The following SLC39A10 variants were observed in gnomAD, a reference collection of about 807,000 sequenced individuals.
SLC39A10 encodes the protein solute carrier family 39 member 10.
SLC39A10 carries 13 observed loss-of-function variants against 65.1 expected under a neutral mutation model. That is an observed-to-expected ratio of 0.20 (90% CI 0.13 to 0.32). The LOEUF is 0.32. Ranked by LOEUF, SLC39A10 falls within the 10% of genes least tolerant of loss-of-function variation. The pLI is 1.00. For synonymous variants in SLC39A10, 321 were observed against 342.2 expected (o/e 0.94, Z 0.68); for missense variants, 831 against 1,018.4 (o/e 0.82, Z 2.50).
At chr2:195,625,222 A>AAAGAAAGAAAGAAAGAAGAAAG (rs1688443563) in intron 2 of SLC39A10, among the ~76,000 whole-genome samples, 1 of 112,184 alleles carries the variant, frequency 8.9e-6, no homozygotes, top group African/African-American at 3.1e-5. Context: ...GTCTCAAAAA[A>AAAGAAAGAAAGAAAGAAGAAAG]AAAGAAAGAA....
intron 8 of SLC39A10, among the ~76,000 whole-genome samples, chr2:195,726,517 G>A (rs1692245667): frequency 6.6e-6 from 1 of 152,086 alleles, no homozygotes; most frequent in South Asian, 2.1e-4. Context: ...TATTAAATCC[G>A]GGTCTCAGCA....
intron 5 of SLC39A10, among the ~76,000 whole-genome samples, chr2:195,711,086 T>A (rs985796989): frequency 1.3e-5 from 2 of 152,208 alleles, no homozygotes; most frequent in African/African-American, 4.8e-5. Flanking sequence ...CATATAAGTA[T>A]TTAAAAGTTC....
rs1380935631 is a variant in SLC39A10 at position 195,677,647 on chromosome 2, T to A, written c.-11-2385T>A. Among the ~76,000 whole-genome samples, 5 of 152,368 alleles carry A rather than the reference T, an allele frequency of 3.3e-5. No individual in the cohort carries two copies. In the East Asian group the frequency reaches 9.6e-4, roughly 29 times the overall value. ...ATTTTTTTCCCAATATTTGTGAAATTCATCTATGCATGAAGCTGTAATTTC... is the reference window on the plus strand; with the variant it reads ...ATTTTTTTCCCAATATTTGTGAAATACATCTATGCATGAAGCTGTAATTTC... On this transcript the variant is annotated intron_variant, in intron 1 of 9. Coordinates refer to ENST00000359634, the MANE Select transcript of SLC39A10 (RefSeq NM_020342.3).
intron 8 of SLC39A10, among the ~76,000 whole-genome samples, chr2:195,722,849 A>G (rs542548256): frequency 3.0e-4 from 46 of 152,338 alleles, no homozygotes; most frequent in Non-Finnish European, 5.7e-4. Context: ...TGGAGGAAAA[A>G]CATGTTTTCC....
At chr2:195,724,899 C>T (rs1010208607) in intron 8 of SLC39A10, among the ~76,000 whole-genome samples, 3 of 151,820 alleles carry the variant, frequency 2.0e-5, no homozygotes, top group Admixed American at 1.3e-4. Flanking sequence ...ATAAAGCCAC[C>T]GTAATCAAAA....
chr2:195,734,764 A>T (rs1281854122), intron 9 of SLC39A10, 119 bp from the exon 10 acceptor site: 4 of 964,526 alleles, frequency 4.1e-6, no homozygotes. Flanking sequence ...TCAATAAAAT[A>T]ATTATTTTGT....
chr2:195,624,393 A>AG (rs1688417460), intron 2 of SLC39A10, among the ~76,000 whole-genome samples: 1 of 135,238 alleles, frequency 7.4e-6, no homozygotes, highest in Admixed American at 8.1e-5. Flanking sequence ...GTCTCAAATA[A>AG]GGAAAAAAAA....
intron 2 of SLC39A10, among the ~76,000 whole-genome samples, chr2:195,682,299 T>G (rs192828066): frequency 6.6e-6 from 1 of 152,172 alleles, no homozygotes; most frequent in Admixed American, 6.5e-5. Context: ...TCACTGTCGT[T>G]GAGATATGTT....
intron 3 of SLC39A10, among the ~76,000 whole-genome samples, chr2:195,700,044 C>G (rs1691116387): frequency 6.6e-6 from 1 of 152,124 alleles, no homozygotes; most frequent in Non-Finnish European, 1.5e-5. Context: ...CACCCCTGCT[C>G]TCTTTTGGTT....
intron 7 of SLC39A10, 113 bp from the exon 8 acceptor site, chr2:195,718,139 C>T: frequency 2.7e-6 from 2 of 742,914 alleles, no homozygotes; most frequent in Non-Finnish European, 4.5e-6. Flanking sequence ...GTGAGTCACT[C>T]ATATGTTAAG....
intron 3 of SLC39A10, among the ~76,000 whole-genome samples, chr2:195,686,694 T>C (rs1392183501): frequency 2.6e-5 from 4 of 152,246 alleles, no homozygotes; most frequent in African/African-American, 9.6e-5. Flanking sequence ...AAAGGAGGCT[T>C]AGAGAATAAG....
intron 8 of SLC39A10, among the ~76,000 whole-genome samples, chr2:195,724,966 C>T (rs1173504022): frequency 2.0e-5 from 3 of 152,006 alleles, no homozygotes; most frequent in Admixed American, 6.6e-5. Context: ...GCAAAGAGTC[C>T]TCACATATAT....
chr2:195,718,296 A>G lies in SLC39A10; in HGVS notation c.2110A>G (p.Ile704Val), dbSNP rs1481387922. Residue 704 changes from isoleucine (I) to valine (V), a missense_variant, in exon 8 of 10, where the codon ATA (isoleucine) becomes GTA (valine). Transcript: ENST00000359634. Reference sequence around the variant, plus strand: ...ATTGACAGGAGGAATCAGTACTTCTATAGCCGTCTTCTGTCATGAACTGCC... The same window carrying G: ...ATTGACAGGAGGAATCAGTACTTCTGTAGCCGTCTTCTGTCATGAACTGCC... ...AGLTGGISTS[I>V]AVFCHELPHE... 2 of 1,607,554 alleles carry G rather than the reference A, an allele frequency of 1.2e-6. No homozygotes were observed. Among genetic ancestry groups the G allele is most frequent in the African/African-American group, 2.7e-5 (2 of 74,856 alleles).
chr2:195,618,483 A>G (rs1688276280), intron 2 of SLC39A10, among the ~76,000 whole-genome samples: 1 of 152,234 alleles, frequency 6.6e-6, no homozygotes, highest in African/African-American at 2.4e-5. Context: ...TGTTGGGGAA[A>G]TTTAAATATT....
intron 1 of SLC39A10, among the ~76,000 whole-genome samples, chr2:195,668,349 A>G (rs1377750115): frequency 6.6e-6 from 1 of 152,242 alleles, no homozygotes; most frequent in Non-Finnish European, 1.5e-5. Flanking sequence ...AGGAAACTGT[A>G]TATACATTTA....
Position 195,618,023 on chromosome 2 carries a change from G to A in SLC39A10, c.-12+11790G>A, listed in dbSNP as rs559760966. On this transcript the variant is annotated intron_variant, in intron 2 of 2. Transcript: ENST00000458054. ...CAAAGTGCTGGGATTACAGGCGTGA[G>A]CCACCTCGCCCGGCCTTGTCTCTAT... 3.4e-5 allele frequency among the ~76,000 whole-genome samples: 5 copies of A among 148,978 alleles called. No homozygotes were observed. The East Asian group carries it at 9.0e-4, about 27-fold the overall frequency.
chr2:195,683,528 G>A (rs1423457156), intron 2 of SLC39A10, among the ~76,000 whole-genome samples, 171 bp from the exon 3 acceptor site: 2 of 151,984 alleles, frequency 1.3e-5, no homozygotes, highest in Non-Finnish European at 2.9e-5. Flanking sequence ...ATATAGTTGA[G>A]TGTATCCCTA....
intron 2 of SLC39A10, among the ~76,000 whole-genome samples, chr2:195,620,842 A>G (rs1245853137): frequency 6.6e-6 from 1 of 152,218 alleles, no homozygotes; most frequent in Non-Finnish European, 1.5e-5. Context: ...CATTTCAGGT[A>G]CTGAGCAACT....
At chr2:195,724,012 A>G (rs1387571797) in intron 8 of SLC39A10, among the ~76,000 whole-genome samples, 1 of 143,352 alleles carries the variant, frequency 7.0e-6, no homozygotes, top group South Asian at 2.3e-4. Flanking sequence ...TAAGGATTAC[A>G]TAGAAATTTA....
Sources: allele counts gnomAD v4.1 joint callset (sites outside exome capture counted in the v4.1 genomes callset), GRCh38; gene constraint gnomAD v4.1.1; transcripts MANE v1.5; gene names NCBI Gene and HGNC (gene_info 2026-07-23, HGNC 2026-07-21).